Variants in NPIPB15 observed in about 807,000 individuals in gnomAD.
The protein encoded by NPIPB15 is nuclear pore complex-interacting protein family member B15.
NPIPB15 carries 5 observed loss-of-function variants against 35.9 expected under a neutral mutation model. The ratio of observed to expected loss-of-function variants is 0.14; its 90% CI spans 0.07 to 0.29. The LOEUF is 0.29. Ranked by LOEUF, NPIPB15 falls within the 10% of genes least tolerant of loss-of-function variation. The pLI is 1.00. For synonymous variants in NPIPB15, 43 were observed against 182.0 expected (o/e 0.24, Z 6.15); for missense variants, 100 against 506.1 (o/e 0.20, Z 7.70).
At chr16:74,379,873 C>A (rs1403027759) in intron 2 of NPIPB15, among the ~76,000 whole-genome samples, 17 of 152,182 alleles carry the variant, frequency 1.1e-4, no homozygotes, top group Admixed American at 9.8e-4. Context: ...CAGGCGTGAG[C>A]CACCACACCC....
intron 5 of NPIPB15, among the ~76,000 whole-genome samples, chr16:74,386,431 C>T (rs1351324221): frequency 7.7e-6 from 1 of 130,030 alleles, no homozygotes; most frequent in Non-Finnish European, 1.6e-5. Flanking sequence ...GCTTGGATTA[C>T]AGGTGTGTGC....
At position 74,392,055 on chromosome 16, in the gene NPIPB15, A is replaced by G; in HGVS notation, c.1307A>G (p.Lys436Arg). The G allele has an allele frequency of 1.3e-6, 2 of 1,493,876 alleles. No homozygotes were observed. The highest frequency in any genetic ancestry group is 1.8e-6 in the Non-Finnish European group (2 of 1,100,912). 92.5% of individuals were successfully genotyped at this position (1,493,876 alleles called of 1,614,324 possible). The change falls in exon 8 of 8, where the codon AAA (lysine) becomes AGA (arginine). Residue 436 changes from lysine (K) to arginine (R), a missense_variant. By Grantham distance (26) the Lys-to-Arg change is conservative. Transcript: ENST00000692376. ...AAGAAAAAAATCAAAAAACAAAACAAAACCCACGCTCCAAAAACAAACTAA... is the reference window on the plus strand; with the variant it reads ...AAGAAAAAAATCAAAAAACAAAACAGAACCCACGCTCCAAAAACAAACTAA... The part of the protein sequence containing the change: ...EKKKKIKKQN[K>R]THAPKTN
intron 3 of NPIPB15, among the ~76,000 whole-genome samples, chr16:74,382,801 G>A (rs1175921160): frequency 6.6e-6 from 1 of 151,176 alleles, no homozygotes; most frequent in East Asian, 2.0e-4. Flanking sequence ...TTCAAGATAT[G>A]TAGAAAACAG....
intron 3 of NPIPB15, among the ~76,000 whole-genome samples, chr16:74,382,139 T>C (rs2012025880): frequency 1.6e-5 from 1 of 64,368 alleles, no homozygotes; most frequent in African/African-American, 6.8e-5. Context: ...GGCATAAACA[T>C]GGGAACCAGC....
chr16:74,382,906 C>CTTTTTTTTTT, intron 3 of NPIPB15, among the ~76,000 whole-genome samples: 1 of 115,910 alleles, frequency 8.6e-6, no homozygotes, highest in Non-Finnish European at 1.7e-5. Flanking sequence ...TTGGAGGAAG[C>CTTTTTTTTTT]TTTTTTTTTT....
chr16:74,378,188 G>A (rs1157328484), intron 2 of NPIPB15, 149 bp downstream of exon 2: 1 of 1,177,454 alleles, frequency 8.5e-7, no homozygotes, highest in African/African-American at 1.5e-5. Flanking sequence ...AGACTAGCCA[G>A]GGCATCATGG....
At chr16:74,378,641 T>C (rs145471650) in intron 2 of NPIPB15, among the ~76,000 whole-genome samples, 19,392 of 144,986 alleles carry the variant, frequency 0.13, 380 homozygotes, top group Admixed American at 0.21. Context: ...CTCCATCTCT[T>C]GACCTCGTGA....
intron 2 of NPIPB15, among the ~76,000 whole-genome samples, chr16:74,379,042 C>T (rs1269925021): frequency 3.3e-5 from 5 of 152,210 alleles, no homozygotes; most frequent in Non-Finnish European, 4.4e-5. Context: ...TCAGGTGATC[C>T]GCCCGCCTTG....
chr16:74,387,697 GCAC>G (rs987753267), intron 5 of NPIPB15, among the ~76,000 whole-genome samples: 5 of 152,132 alleles, frequency 3.3e-5, no homozygotes, highest in African/African-American at 1.2e-4. Flanking sequence ...TGCATTCTCA[GCAC>G]CACACCACAC....
At chr16:74,384,257 CTTCCTT>C (rs1370726180) in intron 3 of NPIPB15, among the ~76,000 whole-genome samples, 10 of 91,844 alleles carry the variant, frequency 1.1e-4, no homozygotes, top group Admixed American at 6.5e-4. Flanking sequence ...AAGGTAATTA[CTTCCTT>C]TTCAAGTTGT....
intron 2 of NPIPB15, among the ~76,000 whole-genome samples, chr16:74,379,156 CTCTT>C (rs1407521224): frequency 1.3e-5 from 2 of 152,256 alleles, no homozygotes; most frequent in African/African-American, 2.4e-5. Context: ...CCCAGCCAGT[CTCTT>C]TCTTATCATA....
At chr16:74,389,248 G>A (rs1410071983) in intron 5 of NPIPB15, among the ~76,000 whole-genome samples, 1 of 149,206 alleles carries the variant, frequency 6.7e-6, no homozygotes, top group South Asian at 2.2e-4. Flanking sequence ...GATGCTCAAT[G>A]AAGGATGAAT....
At chr16:74,380,949 A>G (rs1331959787) in intron 2 of NPIPB15, among the ~76,000 whole-genome samples, 1 of 152,210 alleles carries the variant, frequency 6.6e-6, no homozygotes, top group Non-Finnish European at 1.5e-5. Context: ...TCAAGGCCAG[A>G]CTGGCCAACA....
rs1187912373 is a variant in NPIPB15 at position 74,391,373 on chromosome 16, C to T, written c.643-18C>T. 1 of 1,599,000 alleles carries T rather than the reference C, an allele frequency of 6.3e-7. No individual in the cohort carries two copies. The highest frequency in any genetic ancestry group is 1.1e-5 in the South Asian group (1 of 90,850). On this transcript the variant is annotated intron_variant, in intron 7 of 7. Coordinates refer to ENST00000692376, the MANE Select transcript of NPIPB15 (RefSeq NM_001306094.2). ...CAAATGAATATGTGTGAAAACATTC[C>T]CTCCTTTGGCCCTACAGGTCAGAAT...
chr16:74,384,668 ATTTTTTTTTTTTTTTT>A (rs1186582416), intron 3 of NPIPB15, among the ~76,000 whole-genome samples: 5 of 61,592 alleles, frequency 8.1e-5, no homozygotes, highest in South Asian at 6.9e-4. Context: ...CACCTGGCCT[ATTTTTTTTTTTTTTTT>A]TTTTTTTTTT....
At chr16:74,378,671 C>T (rs2011814559) in intron 2 of NPIPB15, among the ~76,000 whole-genome samples, 1 of 150,614 alleles carries the variant, frequency 6.6e-6, no homozygotes, top group African/African-American at 2.4e-5. Flanking sequence ...CTCGGCCTCC[C>T]AGTGCTGGGA....
chr16:74,388,453 A>C (rs2142690964), intron 5 of NPIPB15: 1 of 945,058 alleles, frequency 1.1e-6, no homozygotes, highest in African/African-American at 1.9e-5. Flanking sequence ...ATATTTACTA[A>C]AGAATAGGAC....
chr16:74,379,702 G>C (rs563125124), intron 2 of NPIPB15, among the ~76,000 whole-genome samples: 206 of 151,264 alleles, frequency 1.4e-3, no homozygotes, highest in Non-Finnish European at 2.0e-3. Context: ...TGATTCTTCT[G>C]CCTCAGCCTC....
In NPIPB15 at chr16:74,385,101, G is replaced by A. The variant is rs111859412; in HGVS notation, c.250-241G>A. On this transcript the variant is annotated intron_variant, in intron 3 of 7. Transcript: ENST00000692376. Reference sequence around the variant, plus strand: ...GTGATCTCGGCTCACTGCAACCTCCGCCTCCCAGCTTCAAACGGTTCTCTG... The same window carrying A: ...GTGATCTCGGCTCACTGCAACCTCCACCTCCCAGCTTCAAACGGTTCTCTG... 2.1e-5 allele frequency among the ~76,000 whole-genome samples: 3 copies of A among 144,372 alleles called. No homozygotes were observed. The Admixed American group carries it at 2.1e-4, about 10-fold the overall frequency. The allele number at this position is 144,372 out of a possible 152,430, so 94.7% of individuals were successfully genotyped here.
Sources: gnomAD v4.1 joint callset for allele counts (sites outside exome capture counted in the v4.1 genomes callset) on GRCh38, gnomAD v4.1.1 for gene constraint, MANE v1.5 for transcripts, NCBI Gene and HGNC (gene_info 2026-07-23, HGNC 2026-07-21) for gene names.